OR3A2: variants seen among roughly 807,000 people sequenced by gnomAD.
OR3A2 encodes the protein olfactory receptor family 3 subfamily A member 2.
For synonymous variants in OR3A2, 126 were observed against 159.3 expected, an observed-to-expected ratio of 0.79 and a Z score of 1.57; for missense variants, 318 against 392.8, an observed-to-expected ratio of 0.81 and a Z score of 1.61.
At chr17:3,340,077 T>A (rs565286545) in intron 2 of OR3A2, among the ~76,000 whole-genome samples, 2,431 of 152,298 alleles carry the variant, frequency 0.016, 26 homozygotes, top group Middle Eastern at 0.075. Context: ...TTTATAGTAT[T>A]CTCTGATGGT....
chr17:3,338,620 A>G (rs2049291204), intron 2 of OR3A2, among the ~76,000 whole-genome samples: 1 of 152,032 alleles, frequency 6.6e-6, no homozygotes, highest in East Asian at 1.9e-4. Context: ...GTTGTGTTCC[A>G]TTGGTCCATA....
intron 3 of OR3A2, among the ~76,000 whole-genome samples, chr17:3,328,602 G>C (rs1331819768): frequency 2.7e-5 from 4 of 147,336 alleles, no homozygotes; most frequent in East Asian, 2.0e-4. Flanking sequence ...ATGTTGAATA[G>C]GAGTGGTGAG....
At chr17:3,315,852 TA>T (rs2049079195) in intron 3 of OR3A2, among the ~76,000 whole-genome samples, 1 of 151,546 alleles carries the variant, frequency 6.6e-6, no homozygotes, top group African/African-American at 2.4e-5. Flanking sequence ...TTAAGGAAAC[TA>T]GTGAGTTGTC....
At chr17:3,304,668 AAG>A (rs2048987989) in intron 3 of OR3A2, among the ~76,000 whole-genome samples, 1 of 152,230 alleles carries the variant, frequency 6.6e-6, no homozygotes, top group Admixed American at 6.5e-5. Flanking sequence ...TACGAAGAAA[AAG>A]AAAATTTAAA....
intron 2 of OR3A2, among the ~76,000 whole-genome samples, chr17:3,340,630 A>AGACC (rs2049308754): frequency 6.7e-5 from 2 of 30,006 alleles, no homozygotes; most frequent in South Asian, 2.9e-3. Context: ...GTGGTCAGAG[A>AGACC]GTTTGTTGTG....
chr17:3,341,540 T>C (rs902097900), intron 2 of OR3A2, among the ~76,000 whole-genome samples: 11 of 152,216 alleles, frequency 7.2e-5, no homozygotes, highest in African/African-American at 2.7e-4. Context: ...TTTGGCTAGA[T>C]ATGAAATTCT....
chr17:3,349,309 T>G (rs575005899), intron 2 of OR3A2, among the ~76,000 whole-genome samples: 1 of 152,046 alleles, frequency 6.6e-6, no homozygotes, highest in Non-Finnish European at 1.5e-5. Flanking sequence ...GAGACACACA[T>G]AGACTCAAAA....
At chr17:3,323,612 T>TA (rs2049144915) in intron 3 of OR3A2, among the ~76,000 whole-genome samples, 1 of 152,126 alleles carries the variant, frequency 6.6e-6, no homozygotes, top group Non-Finnish European at 1.5e-5. Context: ...CTCCTTCACT[T>TA]ATGAAGCTTA....
chr17:3,334,857 AG>A (rs1339055290), intron 3 of OR3A2, among the ~76,000 whole-genome samples: 1 of 152,182 alleles, frequency 6.6e-6, no homozygotes, highest in African/African-American at 2.4e-5. Context: ...ATATGTAGTA[AG>A]TTTTTTAACT....
At chr17:3,373,701 G>T (rs772606048) in intron 2 of OR3A2, among the ~76,000 whole-genome samples, 1 of 152,076 alleles carries the variant, frequency 6.6e-6, no homozygotes, top group Non-Finnish European at 1.5e-5. Flanking sequence ...CGTTAGGTGA[G>T]CCTCTTGAAG....
intron 3 of OR3A2, among the ~76,000 whole-genome samples, chr17:3,305,910 G>A (rs1479996576): frequency 2.6e-5 from 4 of 152,246 alleles, no homozygotes; most frequent in Admixed American, 2.0e-4. Flanking sequence ...TAGGGAGGGA[G>A]CATGTCTGTA....
Position 3,361,240 on chromosome 17 carries a change from C to A in OR3A2, c.-179+22564G>T, listed in dbSNP as rs561028741. Among the ~76,000 whole-genome samples the A allele has an allele frequency of 3.2e-4, 48 of 149,696 alleles. No homozygotes were observed. The East Asian group carries it at 7.7e-3, about 24-fold the overall frequency. On this transcript the variant is annotated intron_variant, in intron 2 of 4. Coordinates refer to the OR3A2 transcript ENST00000573491. The stretch of plus-strand genomic sequence containing the variant: ...TGTCTGTTGTTGGTGTATAAGAATG[C>A]TTGTGATTTTTGTACATTGATTTTG...
chr17:3,303,120 C>T (rs1055085132), intron 3 of OR3A2, among the ~76,000 whole-genome samples: 7 of 151,842 alleles, frequency 4.6e-5, no homozygotes, highest in African/African-American at 1.7e-4. Flanking sequence ...AACTGAGGAA[C>T]CACAAAGAAA....
intron 1 of OR3A2, among the ~76,000 whole-genome samples, chr17:3,280,624 T>C (rs891608628): frequency 6.6e-6 from 1 of 152,144 alleles, no homozygotes; most frequent in Admixed American, 6.5e-5. Context: ...AATGTCTCTA[T>C]TGCCCATGGA....
At chr17:3,379,684 T>A (rs896897875) in intron 2 of OR3A2, among the ~76,000 whole-genome samples, 1 of 152,074 alleles carries the variant, frequency 6.6e-6, no homozygotes, top group African/African-American at 2.4e-5. Flanking sequence ...AGGAATCACA[T>A]GGTGAGGTCG....
At chr17:3,371,750 C>T (rs1339990951) in intron 2 of OR3A2, among the ~76,000 whole-genome samples, 2 of 141,710 alleles carry the variant, frequency 1.4e-5, no homozygotes, top group Non-Finnish European at 3.1e-5. Context: ...AGAGGGACTC[C>T]TCACTTCCCA....
At chr17:3,325,881 A>G (rs2049167324) in intron 3 of OR3A2, among the ~76,000 whole-genome samples, 1 of 152,080 alleles carries the variant, frequency 6.6e-6, no homozygotes, top group Non-Finnish European at 1.5e-5. Context: ...TGCACAGATC[A>G]ACCCATCACC....
intron 3 of OR3A2, among the ~76,000 whole-genome samples, chr17:3,308,288 CT>C (rs1218721538): frequency 2.0e-5 from 3 of 152,182 alleles, no homozygotes; most frequent in African/African-American, 7.2e-5. Flanking sequence ...AGCGGAGTTG[CT>C]TGTCCCTTTG....
At chr17:3,373,501 T>C (rs1183591396) in intron 2 of OR3A2, among the ~76,000 whole-genome samples, 1 of 152,212 alleles carries the variant, frequency 6.6e-6, no homozygotes, top group African/African-American at 2.4e-5. Context: ...TAGTTAGAAT[T>C]GTGATATTTT....
Sources: gnomAD v4.1 joint callset for allele counts (sites outside exome capture counted in the v4.1 genomes callset) on GRCh38, gnomAD v4.1.1 for gene constraint, MANE v1.5 for transcripts, NCBI Gene and HGNC (gene_info 2026-07-23, HGNC 2026-07-21) for gene names.